The following ACCSL variants were observed in gnomAD, a reference collection of about 807,000 sequenced individuals.
The protein encoded by ACCSL is probable inactive 1-aminocyclopropane-1-carboxylate synthase-like protein 2.
ACCSL carries 55 observed loss-of-function variants against 61.7 expected under a neutral mutation model. The observed-to-expected ratio is 0.89, with a 90% CI of 0.72 to 1.12. ACCSL has a LOEUF of 1.12. Among genes scored for constraint, ACCSL ranks in the 50% most tolerant of loss-of-function variants. The pLI is 0.00. For synonymous variants in ACCSL, 258 were observed against 264.3 expected (o/e 0.98, Z 0.23); for missense variants, 632 against 698.0 (o/e 0.91, Z 1.07).
chr11:43,986,706 C>T, the ACCSL span, among the ~76,000 whole-genome samples: 1 of 152,196 alleles, frequency 6.6e-6, no homozygotes, highest in Non-Finnish European at 1.5e-5. Flanking sequence ...AGACCCAGCC[C>T]TTCTCTCCAC....
chr11:43,982,687 G>T, the ACCSL span, among the ~76,000 whole-genome samples: 1 of 152,166 alleles, frequency 6.6e-6, no homozygotes, highest in Non-Finnish European at 1.5e-5. Context: ...TCTCTAACAG[G>T]AGCCTGGGAG....
At chr11:44,032,584 A>G in the ACCSL span, among the ~76,000 whole-genome samples, 3 of 152,300 alleles carry the variant, frequency 2.0e-5, no homozygotes, top group Non-Finnish European at 2.9e-5. Context: ...TGCTCTCTGG[A>G]AGGCTTGAGG....
chr11:43,964,885 A>AAAAAGAAAAGAAAAGAAAG, the ACCSL span, among the ~76,000 whole-genome samples: 2 of 152,230 alleles, frequency 1.3e-5, no homozygotes. Flanking sequence ...ATTTGACAAA[A>AAAAAGAAAAGAAAAGAAAG]CCTAACACAT....
At chr11:43,989,681 G>A in the ACCSL span, among the ~76,000 whole-genome samples, 1 of 152,204 alleles carries the variant, frequency 6.6e-6, no homozygotes, top group Non-Finnish European at 1.5e-5. Context: ...GGGGATTTGG[G>A]GCAGAGGACT....
chr11:43,992,418 C>T, the ACCSL span, among the ~76,000 whole-genome samples: 5 of 152,186 alleles, frequency 3.3e-5, no homozygotes, highest in South Asian at 8.3e-4. Flanking sequence ...TCACACAGGA[C>T]AAATCCCTCT....
chr11:44,058,760 T>C lies in ACCSL; in HGVS notation c.1624+61T>C. The C allele has an allele frequency of 1.9e-6, 3 of 1,548,076 alleles. 1 individual carries two copies. In the South Asian group the frequency reaches 3.6e-5, roughly 19 times the overall value. On this transcript the variant is annotated intron_variant, in intron 13 of 13. Transcript: ENST00000378832. ...CCCCATCAATTTAATATGTCAATCT[T>C]CTCCCCCACCCCCCTTAAACATCCT...
At chr11:43,998,708 C>G in the ACCSL span, among the ~76,000 whole-genome samples, 3 of 151,986 alleles carry the variant, frequency 2.0e-5, no homozygotes, top group African/African-American at 7.2e-5. Context: ...TTTATTCATT[C>G]ATTGTCACCT....
chr11:43,950,659 T>TCAACCACACAA, the ACCSL span, among the ~76,000 whole-genome samples: 1 of 152,182 alleles, frequency 6.6e-6, no homozygotes, highest in Non-Finnish European at 1.5e-5. Flanking sequence ...CACAGGGATG[T>TCAACCACACAA]GCCTACAACC....
Position 44,056,168 on chromosome 11 carries a change from T to C in ACCSL, c.1186-17T>C, listed in dbSNP as rs778094175. ...CAGACAAAACACTTGTTCCTGTTCC[T>C]GCTTTTCTTCCTCTAGGATTTTGGC... On this transcript the variant is annotated splice_polypyrimidine_tract_variant and intron_variant, in intron 10 of 13. Coordinates refer to ENST00000378832, the MANE Select transcript of ACCSL (RefSeq NM_001031854.2). The C allele has an allele frequency of 1.2e-6, 2 of 1,614,206 alleles. No individual in the cohort carries two copies. Among genetic ancestry groups the C allele is most frequent in the East Asian group, 4.5e-5 (2 of 44,884 alleles).
chr11:44,051,734 T>A lies in ACCSL; in HGVS notation c.772+15T>A. 3 of 1,613,884 alleles carry A rather than the reference T, an allele frequency of 1.9e-6. No individual in the cohort carries two copies. The highest frequency in any genetic ancestry group is 2.5e-6 in the Non-Finnish European group (3 of 1,179,928). On this transcript the variant is annotated intron_variant, in intron 5 of 13. Coordinates refer to ENST00000378832, the MANE Select transcript of ACCSL (RefSeq NM_001031854.2). ...TGATCCAGGCGGTAAGTCAGTGGGC[T>A]CTCCTTTCACTCTCAGTGAAATACT...
chr11:44,004,289 G>T, the ACCSL span, among the ~76,000 whole-genome samples: 1 of 152,072 alleles, frequency 6.6e-6, no homozygotes, highest in Non-Finnish European at 1.5e-5. Flanking sequence ...TGAGTCTGGG[G>T]AAGGACACAG....
the ACCSL span, among the ~76,000 whole-genome samples, chr11:43,994,626 GTATTAT>G: frequency 4.7e-5 from 7 of 150,064 alleles, no homozygotes; most frequent in African/African-American, 1.7e-4. Context: ...TACTAAATAT[GTATTAT>G]TATTATTATT....
the ACCSL span, among the ~76,000 whole-genome samples, chr11:43,964,770 A>C: frequency 1.3e-5 from 2 of 152,198 alleles, no homozygotes; most frequent in African/African-American, 2.4e-5. Context: ...TTATTCCAGG[A>C]TGCAAGGGTG....
At chr11:43,935,950 C>T in the ACCSL span, among the ~76,000 whole-genome samples, 2 of 152,192 alleles carry the variant, frequency 1.3e-5, no homozygotes, top group East Asian at 3.9e-4. Flanking sequence ...CTGACCCCTC[C>T]CACAGCTCTG....
intron 13 of ACCSL, 107 bp from the exon 14 acceptor site, chr11:44,059,731 C>A: frequency 3.7e-6 from 3 of 820,778 alleles, no homozygotes; most frequent in South Asian, 1.9e-5. Context: ...AGTTCAGGAT[C>A]CCTGAATGAG....
the ACCSL span, among the ~76,000 whole-genome samples, chr11:43,997,612 A>T: frequency 6.6e-6 from 1 of 152,322 alleles, no homozygotes; most frequent in Admixed American, 6.5e-5. Context: ...TCAAACGTAG[A>T]TGTCTATGTT....
the ACCSL span, among the ~76,000 whole-genome samples, chr11:43,938,971 T>C: frequency 3.3e-5 from 5 of 152,248 alleles, no homozygotes; most frequent in Admixed American, 6.5e-5. Context: ...TGAGCCACGA[T>C]AGTCTGACTT....
At chr11:44,014,053 G>A in the ACCSL span, among the ~76,000 whole-genome samples, 1 of 152,258 alleles carries the variant, frequency 6.6e-6, no homozygotes, top group Admixed American at 6.5e-5. Flanking sequence ...GGAAACAGCA[G>A]ATAAGGGTTC....
chr11:43,957,884 T>G, the ACCSL span, among the ~76,000 whole-genome samples: 1 of 152,202 alleles, frequency 6.6e-6, no homozygotes, highest in African/African-American at 2.4e-5. Context: ...TTTTTCAGGT[T>G]TCTTTGGAAT....
Sources: allele counts gnomAD v4.1 joint callset (sites outside exome capture counted in the v4.1 genomes callset), GRCh38; gene constraint gnomAD v4.1.1; transcripts MANE v1.5; gene names NCBI Gene and HGNC (gene_info 2026-07-23, HGNC 2026-07-21).